Variants in VMA12 observed in about 807,000 individuals in gnomAD.
The protein encoded by VMA12 is vacuolar ATPase assembly factor VMA12.
the VMA12 span, chr17:28,358,298 T>C: frequency 1.5e-4 from 62 of 423,934 alleles, no homozygotes; most frequent in Non-Finnish European, 2.9e-4. Context: ...TTTGTTTGTT[T>C]GTTTTTTTAA....
At chr17:28,362,870 A>G in the VMA12 span, 1 of 152,170 alleles carries the variant, frequency 6.6e-6, no homozygotes, top group Admixed American at 6.5e-5. Context: ...TTCTCAGCAT[A>G]TAGAAGGGAG....
the VMA12 span, chr17:28,360,004 G>T: frequency 1.3e-5 from 2 of 151,258 alleles, no homozygotes. Context: ...GTCTCACTCT[G>T]TCACCCAGGC....
chr17:28,361,128 C>T, the VMA12 span: 3 of 1,608,960 alleles, frequency 1.9e-6, no homozygotes, highest in Non-Finnish European at 2.6e-6. Flanking sequence ...TGGCCTGCAT[C>T]CCTTAAGCCT....
the VMA12 span, chr17:28,361,516 C>A: frequency 2.3e-6 from 1 of 440,086 alleles, no homozygotes; most frequent in Admixed American, 3.8e-5. Flanking sequence ...ATCTGGTACC[C>A]ATCTGCCTTC....
the VMA12 span, chr17:28,357,932 C>A: frequency 6.3e-7 from 1 of 1,590,180 alleles, no homozygotes; most frequent in South Asian, 1.1e-5. Flanking sequence ...CAGATCGATT[C>A]CCTCCTGAGG....
At chr17:28,357,961 C>T in the VMA12 span, 2 of 1,470,340 alleles carry the variant, frequency 1.4e-6, no homozygotes, top group East Asian at 2.3e-5. Context: ...CATCATTCCC[C>T]TTCTTCTACG....
chr17:28,359,239 C>T, the VMA12 span: 6 of 1,494,944 alleles, frequency 4.0e-6, no homozygotes, highest in South Asian at 6.9e-5. Flanking sequence ...GTGCTTTACC[C>T]CTGGAACCAA....
chr17:28,359,378 C>T, the VMA12 span: 97 of 1,614,104 alleles, frequency 6.0e-5, no homozygotes, highest in African/African-American at 2.0e-4. Context: ...GGAATATAAA[C>T]GGATCACCCG....
At chr17:28,359,144 T>C in the VMA12 span, 1 of 943,946 alleles carries the variant, frequency 1.1e-6, no homozygotes, top group East Asian at 2.6e-5. Context: ...ATCAGCTGTT[T>C]GGAAAATTGA....
At chr17:28,359,476 A>G in the VMA12 span, 1 of 1,446,616 alleles carries the variant, frequency 6.9e-7, no homozygotes, top group Non-Finnish European at 9.6e-7. Flanking sequence ...AAGAAGATAC[A>G]GAGTTTAGAA....
the VMA12 span, chr17:28,359,345 A>AT: frequency 6.2e-7 from 1 of 1,614,088 alleles, no homozygotes; most frequent in Non-Finnish European, 8.5e-7. Flanking sequence ...GCTGGAGAAG[A>AT]TTAAGATACA....
At chr17:28,361,044 C>T in the VMA12 span, 1 of 1,083,738 alleles carries the variant, frequency 9.2e-7, no homozygotes. Flanking sequence ...TCTTTTCTTC[C>T]CCTCCCCCAA....
At chr17:28,361,393 T>C in the VMA12 span, 1 of 698,734 alleles carries the variant, frequency 1.4e-6, no homozygotes, top group Non-Finnish European at 2.5e-6. Context: ...CTGCTGTTTC[T>C]GTGGGGAGCC....
At chr17:28,360,160 C>T in the VMA12 span, 3 of 196,522 alleles carry the variant, frequency 1.5e-5, no homozygotes, top group Non-Finnish European at 2.1e-5. Context: ...GTAGAGACCA[C>T]GTTGGCCAGG....
At chr17:28,361,011 T>A in the VMA12 span, 1 of 916,918 alleles carries the variant, frequency 1.1e-6, no homozygotes, top group Non-Finnish European at 1.7e-6. Flanking sequence ...GGTTAGGTAA[T>A]AACCCCAGGA....
the VMA12 span, chr17:28,360,938 G>T: frequency 1.1e-5 from 12 of 1,120,498 alleles, no homozygotes; most frequent in African/African-American, 1.1e-4. Flanking sequence ...CACAGGTTAG[G>T]TATTGAACAG....
At chr17:28,358,538 A>G in the VMA12 span, 1 of 477,756 alleles carries the variant, frequency 2.1e-6, no homozygotes. Flanking sequence ...TTAGAACTAG[A>G]AAGGACCTTA....
chr17:28,361,872 CTCA>C, the VMA12 span: 1 of 153,290 alleles, frequency 6.5e-6, no homozygotes. Flanking sequence ...ATAAGACAGA[CTCA>C]TAGAGATTAA....
At chr17:28,360,555 C>T in the VMA12 span, 53 of 1,614,010 alleles carry the variant, frequency 3.3e-5, no homozygotes, top group Non-Finnish European at 4.2e-5. Context: ...GGACTCTCAG[C>T]GACCTGGGAA....
Sources: allele counts gnomAD v4.1 joint callset, GRCh38; gene constraint gnomAD v4.1.1; transcripts MANE v1.5; gene names NCBI Gene and HGNC (gene_info 2026-07-23, HGNC 2026-07-21).